EXOC4: variants seen among roughly 807,000 people sequenced by gnomAD.
The protein encoded by EXOC4 is SEC8-like 1.
In EXOC4, 71 loss-of-function variants were observed where a neutral mutation model predicts 107.2. The ratio of observed to expected loss-of-function variants is 0.66; its 90% confidence interval spans 0.55 to 0.81. The LOEUF (loss-of-function observed/expected upper bound fraction) is 0.81, where lower values mean the gene tolerates loss of function less well. Ranked by LOEUF, EXOC4 falls within the 30% of genes least tolerant of loss-of-function variation. EXOC4 has a pLI of 0.00. For missense variants in EXOC4, 1,108 were observed against 1,189.6 expected (o/e 0.93, Z 1.01); for synonymous variants, 456 against 441.2 (o/e 1.03, Z -0.42).
At chr7:133,565,228 A>G (rs1800884754) in intron 9 of EXOC4, among the ~76,000 whole-genome samples, 1 of 152,166 alleles carries the variant, frequency 6.6e-6, no homozygotes, top group South Asian at 2.1e-4. Context: ...CCATAGGCTT[A>G]GTTTGCTCTC....
At chr7:133,962,996 A>T (rs1800981184) in intron 14 of EXOC4, among the ~76,000 whole-genome samples, 1 of 152,360 alleles carries the variant, frequency 6.6e-6, no homozygotes, top group African/African-American at 2.4e-5. Flanking sequence ...AGAGGATTTC[A>T]ATATGTTTTC....
At chr7:133,544,227 AT>A (rs149677979) in intron 9 of EXOC4, among the ~76,000 whole-genome samples, 19,646 of 151,456 alleles carry the variant, frequency 0.13, 1,385 homozygotes, top group East Asian at 0.23. Context: ...TGTTCTTTGA[AT>A]TTTTTTTTCA....
rs747946053 is a variant in EXOC4, at chr7:133,475,426, CT to C, written c.1287del (p.Phe429LeufsTer25). On this transcript the variant is annotated frameshift_variant, in exon 8 of 18. Coordinates refer to ENST00000253861, the MANE Select transcript of EXOC4 (RefSeq NM_021807.4). LOFTEE classifies it high-confidence loss of function. The part of the protein sequence containing the change: ...YASTGREFAA[F>X]FAKKKPQRPK... ...CCAGCACTGGACGAGAGTTTGCAGC[CT>C]TTTTTGCCAAGAAGAAACCTCAAAG... 6.2e-7 allele frequency: 1 copy of C among 1,613,930 alleles called. No individual in the cohort carries two copies. The highest frequency in any genetic ancestry group is 8.5e-7 in the Non-Finnish European group (1 of 1,179,922).
intron 11 of EXOC4, among the ~76,000 whole-genome samples, chr7:133,865,639 C>T (rs1798621095): frequency 1.3e-5 from 2 of 152,170 alleles, no homozygotes; most frequent in Admixed American, 6.5e-5. Flanking sequence ...GTACAGGAAG[C>T]ATGTCTGGGA....
At chr7:133,677,654 A>G (rs112949605) in intron 10 of EXOC4, among the ~76,000 whole-genome samples, 111 of 152,244 alleles carry the variant, frequency 7.3e-4, no homozygotes, top group African/African-American at 2.6e-3. Flanking sequence ...GCTATGTGCA[A>G]AGAATTGTTT....
chr7:133,821,238 G>A (rs1450588535), intron 11 of EXOC4, among the ~76,000 whole-genome samples: 1 of 152,170 alleles, frequency 6.6e-6, no homozygotes, highest in Non-Finnish European at 1.5e-5. Flanking sequence ...AAAATGTATG[G>A]CAACTCTGAG....
chr7:134,020,795 G>C (rs1249752292), intron 17 of EXOC4, among the ~76,000 whole-genome samples: 2 of 152,076 alleles, frequency 1.3e-5, no homozygotes, highest in Non-Finnish European at 2.9e-5. Flanking sequence ...AGACCAGCCT[G>C]GCCAACATGG....
intron 7 of EXOC4, among the ~76,000 whole-genome samples, chr7:133,474,632 AG>A (rs575608757): frequency 1.3e-5 from 2 of 152,088 alleles, no homozygotes; most frequent in Admixed American, 6.6e-5. Context: ...TTTTTTAAAA[AG>A]CAGCTGCTTT....
chr7:133,530,758 G>A (rs1485142098), intron 9 of EXOC4, among the ~76,000 whole-genome samples: 1 of 152,142 alleles, frequency 6.6e-6, no homozygotes, highest in Non-Finnish European at 1.5e-5. Context: ...GGTTTTGAGA[G>A]TAAAAAAAGG....
intron 6 of EXOC4, among the ~76,000 whole-genome samples, chr7:133,357,862 C>G (rs1796056138): frequency 6.6e-6 from 1 of 152,026 alleles, no homozygotes; most frequent in East Asian, 1.9e-4. Flanking sequence ...ATGGAACTAC[C>G]CTTTATCCTT....
At chr7:133,596,949 A>C (rs969903084) in intron 9 of EXOC4, among the ~76,000 whole-genome samples, 2 of 152,110 alleles carry the variant, frequency 1.3e-5, no homozygotes, top group Non-Finnish European at 2.9e-5. Flanking sequence ...GAAGAATACA[A>C]TCAGGGTTCT....
chr7:133,704,147 C>A (rs1433730523), intron 10 of EXOC4, among the ~76,000 whole-genome samples: 1 of 152,160 alleles, frequency 6.6e-6, no homozygotes, highest in African/African-American at 2.4e-5. Flanking sequence ...GTGACGAGAA[C>A]TTGCCATGTT....
chr7:133,844,731 G>A (rs62470393), intron 11 of EXOC4, among the ~76,000 whole-genome samples: 14,990 of 151,728 alleles, frequency 0.099, 828 homozygotes, highest in Middle Eastern at 0.17. Flanking sequence ...CTTCTCATTG[G>A]CCATACCTCC....
chr7:134,014,950 A>G (rs1327132128), intron 17 of EXOC4, among the ~76,000 whole-genome samples: 1 of 152,232 alleles, frequency 6.6e-6, no homozygotes, highest in East Asian at 1.9e-4. Context: ...CCTGAGAGGT[A>G]GAAGATAAAG....
At position 134,007,725 on chromosome 7, in the gene EXOC4, C is replaced by T. The variant is rs771703349; in HGVS notation, c.2577C>T (p.Phe859=). ...SCILINGAQY[F]RRISESGIKK... ...TCCTCATTAATGGTGCCCAGTACTT[C>T]AGGCGCATCAGTGAGTCTGGCATCA... Residue 859 remains phenylalanine (F), a synonymous_variant, in exon 17 of 18, where the codon TTC becomes TTT. Coordinates refer to ENST00000253861, the MANE Select transcript of EXOC4 (RefSeq NM_021807.4). 38 of 1,613,480 alleles carry T rather than the reference C, an allele frequency of 2.4e-5. 1 individual carries two copies. In the South Asian group the frequency reaches 2.7e-4, roughly 12 times the overall value.
intron 10 of EXOC4, among the ~76,000 whole-genome samples, chr7:133,669,803 C>T (rs1287237153): frequency 1.3e-5 from 2 of 152,168 alleles, no homozygotes; most frequent in Non-Finnish European, 2.9e-5. Flanking sequence ...TGAAGGGCGT[C>T]AGGAGACAAC....
the EXOC4 span, among the ~76,000 whole-genome samples, chr7:134,077,956 T>C: frequency 6.6e-6 from 1 of 152,346 alleles, no homozygotes; most frequent in African/African-American, 2.4e-5. Flanking sequence ...CTTCTCCTTA[T>C]GTTGAGGGAG....
intron 6 of EXOC4, among the ~76,000 whole-genome samples, chr7:133,358,184 TCAAA>T (rs373249984): frequency 1.1e-3 from 171 of 152,098 alleles, no homozygotes; most frequent in African/African-American, 3.0e-3. Context: ...AAACTTCATC[TCAAA>T]CAAACAAACA....
chr7:133,601,181 C>G (rs544983170), intron 9 of EXOC4, among the ~76,000 whole-genome samples: 17 of 152,028 alleles, frequency 1.1e-4, no homozygotes, highest in Admixed American at 5.2e-4. Context: ...GGGTAAAAAT[C>G]TGATTGCTTT....
Sources: gnomAD v4.1 joint callset for allele counts (sites outside exome capture counted in the v4.1 genomes callset) on GRCh38, gnomAD v4.1.1 for gene constraint, MANE v1.5 for transcripts, NCBI Gene and HGNC (gene_info 2026-07-23, HGNC 2026-07-21) for gene names.